Variants in DDOST observed in about 807,000 individuals in gnomAD.
The protein encoded by DDOST is dolichyl-diphosphooligosaccharide--protein glycosyltransferase 48 kDa subunit.
A neutral mutation model predicts 47.6 loss-of-function variants in DDOST; 25 were observed. The ratio of observed to expected loss-of-function variants is 0.53; its 90% CI spans 0.38 to 0.73. The LOEUF (loss-of-function observed/expected upper bound fraction) is 0.73. DDOST is among the 30% of genes least tolerant of loss of function. DDOST has a pLI of 0.00. For synonymous variants in DDOST, 275 were observed against 236.0 expected, an observed-to-expected ratio of 1.17 and a Z score of -1.51; for missense variants, 526 against 573.9, an observed-to-expected ratio of 0.92 and a Z score of 0.85.
rs761048216 is a variant in DDOST, at chr1:20,653,643, G to A, written c.926C>T (p.Thr309Ile). The A allele has an allele frequency of 1.2e-6, 2 of 1,609,260 alleles. No individual in the cohort carries two copies. The highest frequency in any genetic ancestry group is 1.1e-5 in the South Asian group (1 of 90,678). The change falls in exon 8 of 11, where the codon ACT becomes ATT. Residue 309 changes from threonine to isoleucine, a missense_variant. Physicochemically the swap from Thr to Ile is moderately conservative, Grantham distance 89. Coordinates refer to ENST00000602624, the MANE Select transcript of DDOST (RefSeq NM_005216.5). ...ATCTCTTACCACTAGGTCAGTGACA[G>A]TGTAGGCATTGGGTGGGGCTGTCTC... The part of the protein sequence containing the change: ...VGETAPPNAY[T>I]VTDLVEYSIV...
rs1450491959 is a variant in DDOST at position 20,654,905 on chromosome 1, G to A, written c.552-198C>T. 5.9e-5 allele frequency among the ~76,000 whole-genome samples: 9 copies of A among 152,180 alleles called. No individual in the cohort carries two copies. The South Asian group carries it at 1.7e-3, about 28-fold the overall frequency. ...AGACAGACCTCGCTCTGCCACCTGG[G>A]CTGGAGTGCAGTGGCACAACCTTGG... On this transcript the variant is annotated intron_variant, in intron 5 of 10. Transcript: ENST00000602624.
Position 20,652,280 on chromosome 1 carries a change from A to AT in DDOST, c.*98dup, listed in dbSNP as rs527983100. 3.9e-6 allele frequency: 5 copies of AT among 1,295,906 alleles called. No individual in the cohort carries two copies. The highest frequency in any genetic ancestry group is 5.1e-6 in the Non-Finnish European group (5 of 973,334). 80.3% of individuals were successfully genotyped at this position (1,295,906 alleles called of 1,614,324 possible). A position where few individuals can be genotyped will look rare whatever the true frequency, so the allele number is the denominator to read the frequency against. On this transcript the variant is annotated 3_prime_UTR_variant, in exon 11 of 11. Coordinates refer to ENST00000602624, the MANE Select transcript of DDOST (RefSeq NM_005216.5). ...TCTCCCACAGAGGTAAAGTTGTGCC[A>AT]TTTTCCCACGGCTTTAAACAAAGCA...
Position 20,654,338 on chromosome 1 carries a change from T to C in DDOST, c.679A>G (p.Ile227Val), listed in dbSNP as rs369170920. The part of the protein sequence containing the change: ...PHAVGKNTLL[I>V]AGLQARNNAR... ...TTGTTCCTGGCCTGGAGCCCAGCAA[T>C]GAGGAGGGTGTTCTTCCCCACCGCA... The change falls in exon 7 of 11, where the codon ATT becomes GTT. Residue 227 changes from isoleucine to valine, a missense_variant. By Grantham distance (29) the Ile-to-Val change is conservative. Transcript: ENST00000602624. 6.4e-7 allele frequency: 1 copy of C among 1,558,634 alleles called. No individual in the cohort carries two copies. Among genetic ancestry groups the C allele is most frequent in the African/African-American group, 1.4e-5 (1 of 73,458 alleles).
chr1:20,653,494 G>C, intron 8 of DDOST, 133 bp downstream of exon 8: 2 of 902,210 alleles, frequency 2.2e-6, no homozygotes, highest in South Asian at 3.9e-5. Flanking sequence ...GGCATGCTTA[G>C]GTGTAGGGAT....
Position 20,653,689 on chromosome 1 carries a change from C to A in DDOST, c.880G>T (p.Val294Leu). 1 of 1,614,064 alleles carries A rather than the reference C, an allele frequency of 6.2e-7. No homozygotes were observed. Among genetic ancestry groups the A allele is most frequent in the African/African-American group, 1.3e-5 (1 of 75,054 alleles). Residue 294 changes from valine (V) to leucine (L), a missense_variant, in exon 8 of 11, where the codon GTG becomes TTG. Coordinates refer to ENST00000602624, the MANE Select transcript of DDOST (RefSeq NM_005216.5). The part of the protein sequence containing the change: ...KEEGVLRVGP[V>L]SHHRVGETAP... ...GTCTCGCCCACCCGATGATGGGACA[C>A]AGGCCCCACACGGAGGACACCCTCC...
rs774660329 is a variant in DDOST, at chr1:20,661,339, G to A, written c.12C>T (p.Ser4=). The change falls in exon 1 of 11, where the codon AGC becomes AGT. Residue 4 remains serine (S), a synonymous_variant. Coordinates refer to ENST00000602624, the MANE Select transcript of DDOST (RefSeq NM_005216.5). The part of the protein sequence containing the change: MEP[S]TAARAWALFW... ...AGAGGGCCCAAGCCCGGGCCGCGGT[G>A]CTGGGCTCCATCTTCCTCCTCCTGC... 9 of 1,613,262 alleles carry A rather than the reference G, an allele frequency of 5.6e-6. No homozygotes were observed. Among genetic ancestry groups the A allele is most frequent in the South Asian group, 4.4e-5 (4 of 91,058 alleles).
chr1:20,654,444 G>GCTCTT lies in DDOST; in HGVS notation c.646-74_646-73insAAGAG, dbSNP rs1177230883. 10 of 1,528,086 alleles carry GCTCTT rather than the reference G, an allele frequency of 6.5e-6. No individual in the cohort carries two copies. In the Admixed American group the frequency reaches 2.0e-4, roughly 30 times the overall value. 94.7% of individuals were successfully genotyped at this position (1,528,086 alleles called of 1,614,324 possible). A position where few individuals can be genotyped will look rare whatever the true frequency, so the allele number is the denominator to read the frequency against. On this transcript the variant is annotated intron_variant, in intron 6 of 10. Coordinates refer to ENST00000602624, the MANE Select transcript of DDOST (RefSeq NM_005216.5). ...AAGCTGCCACGCCTCCCGAACAAGAGGACAGCAGGCCAGACCAAAACGACC... is the reference window on the plus strand; with the variant it reads ...AAGCTGCCACGCCTCCCGAACAAGAGCTCTTGACAGCAGGCCAGACCAAAACGACC...
intron 5 of DDOST, 48 bp downstream of exon 5, chr1:20,655,392 C>G (rs372393674): frequency 7.0e-7 from 1 of 1,426,990 alleles, no homozygotes; most frequent in South Asian, 1.2e-5. Flanking sequence ...TTAAGTGACC[C>G]CTTCTTCCCC....
rs369025294 is a variant in DDOST at position 20,652,481 on chromosome 1, G to A, written c.1218C>T (p.Pro406=). 37 of 1,613,886 alleles carry A rather than the reference G, an allele frequency of 2.3e-5. No homozygotes were observed. In the Middle Eastern group the frequency reaches 6.6e-4, roughly 29 times the overall value. The change falls in exon 11 of 11, where the codon CCC becomes CCT. Residue 406 remains proline (P), a synonymous_variant. Transcript: ENST00000602624. ...CGCTGGCGTAGTAGGGGTAGGCCGA[G>A]GGGATGAAGCGCTCATACTGCGTGT... ...LQHTQYERFI[P]SAYPYYASAF...
intron 10 of DDOST, 35 bp from the exon 11 acceptor site, chr1:20,652,563 T>C: frequency 6.2e-7 from 1 of 1,614,062 alleles, no homozygotes. Context: ...ACCTGGCCAC[T>C]GCAGAGCCCA....
chr1:20,653,926 G>T, intron 7 of DDOST, 152 bp from the exon 8 acceptor site: 1 of 937,174 alleles, frequency 1.1e-6, no homozygotes, highest in Non-Finnish European at 1.6e-6. Context: ...TAAAGGGAAC[G>T]CAGGAAACAA....
chr1:20,653,104 G>T (rs968337196), intron 8 of DDOST, 133 bp from the exon 9 acceptor site: 23 of 1,084,588 alleles, frequency 2.1e-5, no homozygotes, highest in Non-Finnish European at 2.8e-5. Context: ...ACCTGCAGAT[G>T]CCCCTGCCAC....
intron 2 of DDOST, among the ~76,000 whole-genome samples, chr1:20,657,553 G>A (rs1288181773): frequency 2.0e-5 from 3 of 152,146 alleles, no homozygotes; most frequent in Admixed American, 6.5e-5. Context: ...TTCGACAGGG[G>A]CATTAGAAAA....
chr1:20,658,533 A>G (rs1487050290), intron 2 of DDOST, among the ~76,000 whole-genome samples: 1 of 152,268 alleles, frequency 6.6e-6, no homozygotes, highest in African/African-American at 2.4e-5. Flanking sequence ...ACCGGGCTTT[A>G]AATAACCTTG....
At chr1:20,657,399 G>T (rs996380780) in intron 2 of DDOST, among the ~76,000 whole-genome samples, 6 of 152,180 alleles carry the variant, frequency 3.9e-5, no homozygotes, top group African/African-American at 1.4e-4. Context: ...GTACGAGGGT[G>T]AAAGTGGCCA....
intron 2 of DDOST, among the ~76,000 whole-genome samples, chr1:20,658,934 G>A (rs1254052784): frequency 6.9e-6 from 1 of 145,460 alleles, no homozygotes; most frequent in East Asian, 2.0e-4. Context: ...TCAGCTCACT[G>A]CAGCCTTGAC....
chr1:20,654,897 C>T (rs985655736), intron 5 of DDOST, among the ~76,000 whole-genome samples, 190 bp from the exon 6 acceptor site: 8 of 152,176 alleles, frequency 5.3e-5, no homozygotes, highest in African/African-American at 1.9e-4. Flanking sequence ...CCTCGCTCTG[C>T]CACCTGGGCT....
chr1:20,653,613 C>T lies in DDOST; in HGVS notation c.942+14G>A, dbSNP rs1557571189. The T allele has an allele frequency of 6.4e-7, 1 of 1,571,804 alleles. No homozygotes were observed. The highest frequency in any genetic ancestry group is 1.7e-4 in the Middle Eastern group (1 of 5,858). The stretch of plus-strand genomic sequence containing the variant: ...GCAAACCCTTTGGGCCCTCCCACCC[C>T]AAACATCTCTTACCACTAGGTCAGT... On this transcript the variant is annotated intron_variant, in intron 8 of 10. Transcript: ENST00000602624.
rs200636246 is a variant in DDOST at position 20,652,522 on chromosome 1, C to A, written c.1177G>T (p.Val393Leu). ...TACTGCGTGTGCTGGAGTGGCCGCACGGATACCTGCAGGAGGACAGAGGTG... is the reference window on the plus strand; with the variant it reads ...TACTGCGTGTGCTGGAGTGGCCGCAAGGATACCTGCAGGAGGACAGAGGTG... Reference protein sequence around the residue: ...THLYSSTQVSVRPLQHTQYER... With the variant: ...THLYSSTQVSLRPLQHTQYER... The change falls in exon 11 of 11, where the codon GTG (valine) becomes TTG (leucine). Residue 393 changes from valine to leucine, a missense_variant. Coordinates refer to ENST00000602624, the MANE Select transcript of DDOST (RefSeq NM_005216.5). 6.2e-7 allele frequency: 1 copy of A among 1,613,762 alleles called. No individual in the cohort carries two copies. The highest frequency in any genetic ancestry group is 1.3e-5 in the African/African-American group (1 of 74,906).
Sources: allele counts gnomAD v4.1 joint callset (sites outside exome capture counted in the v4.1 genomes callset), GRCh38; gene constraint gnomAD v4.1.1; transcripts MANE v1.5; gene names NCBI Gene and HGNC (gene_info 2026-07-23, HGNC 2026-07-21).